RABEP1: variants seen among roughly 807,000 people sequenced by gnomAD.
RABEP1 encodes the protein rab GTPase-binding effector protein 1.
RABEP1 carries 51 observed loss-of-function variants against 123.4 expected under a neutral mutation model. The observed-to-expected ratio is 0.41, with a 90% CI of 0.33 to 0.52. The LOEUF is 0.52. Among genes scored for constraint, RABEP1 ranks in the 20% least tolerant of loss-of-function variants. The pLI is 0.16. For missense variants in RABEP1, 888 were observed against 996.3 expected, an observed-to-expected ratio of 0.89 and a Z score of 1.46; for synonymous variants, 347 against 355.2, an observed-to-expected ratio of 0.98 and a Z score of 0.26.
At chr17:5,333,381 C>T (rs145961914) in intron 3 of RABEP1, among the ~76,000 whole-genome samples, 2,282 of 152,018 alleles carry the variant, frequency 0.015, 22 homozygotes, top group South Asian at 0.029. Flanking sequence ...CCAGGATGGT[C>T]TCGATCTCCT....
At chr17:5,333,299 A>C (rs1002360514) in intron 3 of RABEP1, among the ~76,000 whole-genome samples, 1 of 152,048 alleles carries the variant, frequency 6.6e-6, no homozygotes. Flanking sequence ...AGTAGCTGGG[A>C]CTACAGGCGC....
intron 2 of RABEP1, among the ~76,000 whole-genome samples, chr17:5,325,032 G>A (rs938325415): frequency 3.3e-5 from 5 of 152,132 alleles, no homozygotes; most frequent in African/African-American, 7.2e-5. Context: ...AAATGAAATC[G>A]CTGGGCATGG....
chr17:5,332,453 A>G lies in RABEP1; in HGVS notation c.367+301A>G, dbSNP rs565641691. 6.6e-5 allele frequency among the ~76,000 whole-genome samples: 10 copies of G among 152,332 alleles called. No homozygotes were observed. In the East Asian group the frequency reaches 1.5e-3, roughly 23 times the overall value. ...GATTTCTTCTAGGAGGCAGGCTAGT[A>G]ATCTCAAATAATTAAGCTGTATGGG... On this transcript the variant is annotated intron_variant, in intron 3 of 17. Coordinates refer to ENST00000537505, the MANE Select transcript of RABEP1 (RefSeq NM_004703.6).
At chr17:5,326,012 G>T (rs1269310023) in intron 2 of RABEP1, among the ~76,000 whole-genome samples, 1 of 152,216 alleles carries the variant, frequency 6.6e-6, no homozygotes, top group Non-Finnish European at 1.5e-5. Flanking sequence ...TGCTGGTGAG[G>T]ATGTGGAGCA....
At chr17:5,293,327 A>G (rs117900255) in intron 1 of RABEP1, among the ~76,000 whole-genome samples, 463 of 152,078 alleles carry the variant, frequency 3.0e-3, no homozygotes, top group Middle Eastern at 0.01. Flanking sequence ...TTCTCTCTAT[A>G]TATATCTCTT....
At chr17:5,350,689 T>C in intron 7 of RABEP1, 60 bp downstream of exon 7, 2 of 1,543,976 alleles carry the variant, frequency 1.3e-6, no homozygotes, top group African/African-American at 1.4e-5. Flanking sequence ...CCACATGTGA[T>C]TGCATTACCT....
At chr17:5,291,373 T>TC in intron 1 of RABEP1, among the ~76,000 whole-genome samples, 1 of 152,084 alleles carries the variant, frequency 6.6e-6, no homozygotes, top group Non-Finnish European at 1.5e-5. Context: ...GATCGTGCCA[T>TC]TGCACTCCAG....
chr17:5,367,756 C>CT (rs961377229), intron 11 of RABEP1, among the ~76,000 whole-genome samples: 27 of 146,606 alleles, frequency 1.8e-4, no homozygotes, highest in East Asian at 6.3e-4. Context: ...AATTTTCTCT[C>CT]TTTTTTTTTT....
At chr17:5,286,945 T>G (rs1340026751) in intron 1 of RABEP1, among the ~76,000 whole-genome samples, 2 of 152,186 alleles carry the variant, frequency 1.3e-5, no homozygotes, top group African/African-American at 4.8e-5. Flanking sequence ...AGACTTGAAG[T>G]AGATAGAGGA....
At chr17:5,346,947 A>G in intron 6 of RABEP1, 22 bp downstream of exon 6, 1 of 1,535,898 alleles carries the variant, frequency 6.5e-7, no homozygotes, top group East Asian at 2.3e-5. Flanking sequence ...GTATATTTTT[A>G]TCTTTGTCTC....
intron 2 of RABEP1, among the ~76,000 whole-genome samples, chr17:5,331,027 C>CT (rs1187502263): frequency 0.02 from 1,782 of 87,030 alleles, 40 homozygotes; most frequent in Non-Finnish European, 0.03. Context: ...TATCTCTTAA[C>CT]TTTTTTTTTT....
intron 6 of RABEP1, among the ~76,000 whole-genome samples, chr17:5,348,665 A>T (rs1224837336): frequency 6.6e-6 from 1 of 151,888 alleles, no homozygotes; most frequent in Non-Finnish European, 1.5e-5. Flanking sequence ...GGTTCACGCC[A>T]TTCTCCTGTC....
chr17:5,372,306 G>C (rs1597393752), intron 12 of RABEP1, among the ~76,000 whole-genome samples: 2 of 152,206 alleles, frequency 1.3e-5, no homozygotes, highest in South Asian at 4.1e-4. Context: ...TGAGCTGGGC[G>C]TGGTGGTGCG....
At chr17:5,318,876 G>A (rs1372805849) in intron 2 of RABEP1, among the ~76,000 whole-genome samples, 2 of 152,162 alleles carry the variant, frequency 1.3e-5, no homozygotes, top group African/African-American at 4.8e-5. Context: ...TGGCATTTGT[G>A]TAGGTACGCA....
rs780571116 is a variant in RABEP1, at chr17:5,384,027, T to G, written c.*804T>G. The G allele has an allele frequency of 1.8e-5, 4 of 218,524 alleles. No individual in the cohort carries two copies. The East Asian group carries it at 2.7e-4, about 15-fold the overall frequency. The allele number at this position is 218,524 out of a possible 1,614,324, so 13.5% of individuals were successfully genotyped here. A position where few individuals can be genotyped will look rare whatever the true frequency, so the allele number is the denominator to read the frequency against. ...GTACCATCTACTCTTTTGAAGTGTT[T>G]TAGTCTAGTTATTGGATCAGTGAAA... On this transcript the variant is annotated 3_prime_UTR_variant, in exon 18 of 18. Transcript: ENST00000537505.
intron 1 of RABEP1, among the ~76,000 whole-genome samples, chr17:5,305,445 C>T (rs2075171526): frequency 6.6e-6 from 1 of 152,130 alleles, no homozygotes; most frequent in South Asian, 2.1e-4. Flanking sequence ...CATACTTAAT[C>T]TTGGCTGCAT....
intron 2 of RABEP1, among the ~76,000 whole-genome samples, chr17:5,330,967 T>C (rs1257616152): frequency 6.7e-6 from 1 of 149,784 alleles, no homozygotes; most frequent in Admixed American, 6.8e-5. Flanking sequence ...GAGGTTATAG[T>C]GGTCTATGTT....
Position 5,349,553 on chromosome 17 carries a change from TAAG to T in RABEP1, c.785-894_785-892del, listed in dbSNP as rs542185458. On this transcript the variant is annotated intron_variant, in intron 6 of 17. Transcript: ENST00000537505. ...TTTACAAAGATTCCTTGACTTGTCA[TAAG>T]AAGTCTATATTAACCGGACCCAACG... Among the ~76,000 whole-genome samples, 30 of 152,268 alleles carry T rather than the reference TAAG, an allele frequency of 2.0e-4. No individual in the cohort carries two copies. In the South Asian group the frequency reaches 5.6e-3, roughly 28 times the overall value.
chr17:5,292,338 T>A (rs533544990), intron 1 of RABEP1, among the ~76,000 whole-genome samples: 1 of 152,328 alleles, frequency 6.6e-6, no homozygotes, highest in East Asian at 1.9e-4. Flanking sequence ...GCCATTTTTT[T>A]GTGTGCATTG....
Sources: allele counts gnomAD v4.1 joint callset (sites outside exome capture counted in the v4.1 genomes callset), GRCh38; gene constraint gnomAD v4.1.1; transcripts MANE v1.5; gene names NCBI Gene and HGNC (gene_info 2026-07-23, HGNC 2026-07-21).